ZNF521: variants seen among roughly 807,000 people sequenced by gnomAD.
ZNF521 encodes zinc finger protein 521.
A neutral mutation model predicts 105.5 loss-of-function variants in ZNF521; 14 were observed. The ratio of observed to expected loss-of-function variants is 0.13; its 90% confidence interval spans 0.09 to 0.21. The LOEUF is 0.21. ZNF521 is among the 10% of genes least tolerant of loss of function. The pLI, the probability that ZNF521 is intolerant of heterozygous loss-of-function variation, is 1.00. For synonymous variants in ZNF521, 635 were observed against 606.0 expected, an observed-to-expected ratio of 1.05 and a Z score of -0.70; for missense variants, 1,233 against 1,629.7, an observed-to-expected ratio of 0.76 and a Z score of 4.19.
At position 25,091,867 on chromosome 18, in the gene ZNF521, A is replaced by G. The variant is rs879131714; in HGVS notation, c.3790+83T>C. The stretch of plus-strand genomic sequence containing the variant: ...TGAAGTCATGTCTGTAAAAGGCCAT[A>G]GCAGTGGGAAGTAATGCTTTGGTAG... On this transcript the variant is annotated intron_variant, in intron 6 of 7. Transcript: ENST00000361524. The G allele has an allele frequency of 4.8e-5, 73 of 1,529,830 alleles. 1 individual carries two copies. In the South Asian group the frequency reaches 8.6e-4, roughly 18 times the overall value. The allele number at this position is 1,529,830 out of a possible 1,614,324, so 94.8% of individuals were successfully genotyped here. A position where few individuals can be genotyped will look rare whatever the true frequency, so the allele number is the denominator to read the frequency against.
At chr18:25,311,188 T>C (rs1030533990) in intron 3 of ZNF521, among the ~76,000 whole-genome samples, 1 of 152,150 alleles carries the variant, frequency 6.6e-6, no homozygotes, top group African/African-American at 2.4e-5. Context: ...TAAGAGGTCA[T>C]AGATCTCTGT....
intron 3 of ZNF521, among the ~76,000 whole-genome samples, chr18:25,250,881 T>C (rs568018111): frequency 6.6e-6 from 1 of 152,362 alleles, no homozygotes; most frequent in African/African-American, 2.4e-5. Flanking sequence ...TCTTAAGTGA[T>C]TCATTCTTCA....
rs1033883072 is a variant in ZNF521, at chr18:25,211,839, A to G, written c.3573+12506T>C. Reference sequence around the variant, plus strand: ...ATTCTTTTATTTTACTAAAAGGTTTATGGTTTTGCCTTTCACACATCTGTC... The same window carrying G: ...ATTCTTTTATTTTACTAAAAGGTTTGTGGTTTTGCCTTTCACACATCTGTC... On this transcript the variant is annotated intron_variant, in intron 4 of 7. Transcript: ENST00000361524. 1.9e-4 allele frequency among the ~76,000 whole-genome samples: 29 copies of G among 152,198 alleles called. 1 individual carries two copies. Among genetic ancestry groups the G allele is most frequent in the Non-Finnish European group, 7.4e-5 (5 of 68,022 alleles).
chr18:25,100,800 T>C lies in ZNF521; in HGVS notation c.3659-8719A>G, dbSNP rs901071784. Reference sequence around the variant, plus strand: ...AACGATGCCACCCCTTAGAGAAATTTGCCTGTGCATTATTAAAGTGATATA... The same window carrying C: ...AACGATGCCACCCCTTAGAGAAATTCGCCTGTGCATTATTAAAGTGATATA... On this transcript the variant is annotated intron_variant, in intron 5 of 7. Coordinates refer to ENST00000361524, the MANE Select transcript of ZNF521 (RefSeq NM_015461.3). 2.6e-5 allele frequency among the ~76,000 whole-genome samples: 4 copies of C among 152,356 alleles called. No homozygotes were observed. The East Asian group carries it at 7.7e-4, about 29-fold the overall frequency.
At chr18:25,129,137 T>C (rs1277611517) in intron 5 of ZNF521, among the ~76,000 whole-genome samples, 1 of 151,708 alleles carries the variant, frequency 6.6e-6, no homozygotes, top group Non-Finnish European at 1.5e-5. Flanking sequence ...GAGCCCCGAA[T>C]TGATTCACAC....
At chr18:25,324,881 T>G (rs994277523) in intron 2 of ZNF521, among the ~76,000 whole-genome samples, 1 of 152,244 alleles carries the variant, frequency 6.6e-6, no homozygotes, top group Non-Finnish European at 1.5e-5. Context: ...CCCCAGTCCA[T>G]GCTTCCAACA....
At chr18:25,214,629 C>A (rs1366285184) in intron 4 of ZNF521, among the ~76,000 whole-genome samples, 1 of 151,926 alleles carries the variant, frequency 6.6e-6, no homozygotes, top group Non-Finnish European at 1.5e-5. Context: ...CTATATTATG[C>A]CTTCTTTGTT....
chr18:25,282,550 A>T (rs111757192), intron 3 of ZNF521, among the ~76,000 whole-genome samples: 1,689 of 152,248 alleles, frequency 0.011, 30 homozygotes, highest in African/African-American at 0.039. Flanking sequence ...GTGAGCTTGC[A>T]CATGGAGGGG....
intron 5 of ZNF521, among the ~76,000 whole-genome samples, chr18:25,116,748 T>G (rs1009124867): frequency 5.9e-5 from 9 of 151,600 alleles, no homozygotes; most frequent in Admixed American, 5.3e-4. Flanking sequence ...TTTATACGCA[T>G]GTGGATGTCA....
At chr18:25,199,936 C>T (rs1600146287) in intron 4 of ZNF521, among the ~76,000 whole-genome samples, 2 of 151,982 alleles carry the variant, frequency 1.3e-5, no homozygotes, top group South Asian at 4.1e-4. Context: ...ATTTTATAAA[C>T]TGTTTCATAC....
At chr18:25,186,282 C>T (rs527553907) in intron 5 of ZNF521, among the ~76,000 whole-genome samples, 5 of 152,258 alleles carry the variant, frequency 3.3e-5, no homozygotes, top group Admixed American at 1.3e-4. Context: ...ATAATAACTA[C>T]GAAGGTGCAG....
chr18:25,250,955 T>C (rs1226672878), intron 3 of ZNF521, among the ~76,000 whole-genome samples: 2 of 152,240 alleles, frequency 1.3e-5, no homozygotes, highest in Non-Finnish European at 2.9e-5. Context: ...AAATTTTAGA[T>C]TTGCAAGTAT....
chr18:25,283,452 T>C (rs150397311), intron 3 of ZNF521, among the ~76,000 whole-genome samples: 4 of 152,356 alleles, frequency 2.6e-5, no homozygotes, highest in Non-Finnish European at 4.4e-5. Flanking sequence ...CTCCAATTAC[T>C]GGACCACAAT....
chr18:25,291,801 C>A lies in ZNF521; in HGVS notation c.220+30207G>T, dbSNP rs186825618. Among the ~76,000 whole-genome samples, 41 of 151,998 alleles carry A rather than the reference C, an allele frequency of 2.7e-4. 1 individual carries two copies. The highest frequency in any genetic ancestry group is 1.4e-3 in the Admixed American group (22 of 15,254). On this transcript the variant is annotated intron_variant, in intron 3 of 7. Transcript: ENST00000361524. ...TTCCTATTTTTCAATTGAGGAAACT[C>A]GAGAAAATAGAATTTCTGAGTTTCC... is the stretch of plus-strand genomic sequence containing the variant.
intron 3 of ZNF521, among the ~76,000 whole-genome samples, chr18:25,258,271 CT>C (rs1473077003): frequency 1.3e-5 from 2 of 152,068 alleles, no homozygotes; most frequent in African/African-American, 4.8e-5. Context: ...TGGAGAATTG[CT>C]TTTATTCCAG....
At chr18:25,278,963 C>T (rs45574534) in intron 3 of ZNF521, among the ~76,000 whole-genome samples, 14,759 of 152,176 alleles carry the variant, frequency 0.097, 829 homozygotes, top group South Asian at 0.18. Flanking sequence ...CTCTGCAAAT[C>T]TCAAGGAAAA....
intron 3 of ZNF521, among the ~76,000 whole-genome samples, chr18:25,265,953 G>A (rs1260200460): frequency 3.3e-5 from 5 of 152,214 alleles, no homozygotes; most frequent in Admixed American, 6.5e-5. Context: ...CAAACATCGC[G>A]TCTTCTCACT....
chr18:25,304,999 C>T (rs1000675008), intron 3 of ZNF521, among the ~76,000 whole-genome samples: 9 of 152,192 alleles, frequency 5.9e-5, no homozygotes, highest in Non-Finnish European at 4.4e-5. Flanking sequence ...CACACTAACA[C>T]ATATACTATA....
At chr18:25,302,895 A>C (rs1405253347) in intron 3 of ZNF521, 1 of 152,238 alleles carries the variant, frequency 6.6e-6, no homozygotes, top group Non-Finnish European at 1.5e-5. Flanking sequence ...ACATTAGACG[A>C]AAAAAATCGT....
Sources: gnomAD v4.1 joint callset for allele counts (sites outside exome capture counted in the v4.1 genomes callset) on GRCh38, gnomAD v4.1.1 for gene constraint, MANE v1.5 for transcripts, NCBI Gene and HGNC (gene_info 2026-07-23, HGNC 2026-07-21) for gene names.